Variants in KYNU observed in about 807,000 individuals in gnomAD.
The protein encoded by KYNU is kynureninase, also known as L-kynurenine hydrolase.
KYNU carries 54 observed loss-of-function variants against 59.2 expected under a neutral mutation model. The ratio of observed to expected loss-of-function variants is 0.91; its 90% CI spans 0.73 to 1.14. KYNU has a LOEUF of 1.14. Ranked by LOEUF, KYNU falls within the 50% of genes most tolerant of loss-of-function variation. The probability of loss-of-function intolerance (pLI) is 0.00; values close to 1 mark genes in which losing one functional copy is unlikely to be tolerated. For missense variants in KYNU, 567 were observed against 554.4 expected, an observed-to-expected ratio of 1.02 and a Z score of -0.23; for synonymous variants, 177 against 192.0, an observed-to-expected ratio of 0.92 and a Z score of 0.65.
chr2:142,913,890 T>C (rs144726662), intron 2 of KYNU, among the ~76,000 whole-genome samples: 2 of 152,368 alleles, frequency 1.3e-5, no homozygotes, highest in Non-Finnish European at 2.9e-5. Flanking sequence ...TTGCTATGTA[T>C]ATATTTAGGA....
intron 8 of KYNU, among the ~76,000 whole-genome samples, chr2:142,969,395 C>T (rs1684647370): frequency 1.3e-5 from 2 of 152,158 alleles, no homozygotes; most frequent in Non-Finnish European, 2.9e-5. Context: ...TTGGTCTTTA[C>T]TCTTCACTTT....
At chr2:142,884,114 T>A (rs965964384) in intron 1 of KYNU, among the ~76,000 whole-genome samples, 1 of 152,212 alleles carries the variant, frequency 6.6e-6, no homozygotes, top group African/African-American at 2.4e-5. Flanking sequence ...CATTTATCCT[T>A]TTCCAAAAAG....
At chr2:143,033,452 G>A (rs1686815665) in intron 12 of KYNU, 131 bp downstream of exon 12, 4 of 791,370 alleles carry the variant, frequency 5.1e-6, no homozygotes, top group South Asian at 1.4e-5. Flanking sequence ...AGGGACAGAA[G>A]GCAGCATTCC....
chr2:143,026,488 A>AGCTGGAATGAATGAGT (rs1295611383), intron 10 of KYNU, among the ~76,000 whole-genome samples: 2 of 152,130 alleles, frequency 1.3e-5, no homozygotes, highest in African/African-American at 2.4e-5. Context: ...CGAGTACGGG[A>AGCTGGAATGAATGAGT]GCTGGAATGA....
chr2:142,931,308 G>C (rs1683209778), intron 4 of KYNU, among the ~76,000 whole-genome samples: 1 of 152,154 alleles, frequency 6.6e-6, no homozygotes, highest in South Asian at 2.1e-4. Flanking sequence ...CTTCACGTGT[G>C]ATATAGGGGG....
At chr2:142,896,760 A>G (rs1015130695) in intron 2 of KYNU, among the ~76,000 whole-genome samples, 2 of 152,166 alleles carry the variant, frequency 1.3e-5, no homozygotes, top group African/African-American at 4.8e-5. Context: ...GTGCTAAGAT[A>G]ACAGGCGTGA....
At chr2:142,958,904 ATTGTT>A (rs1202834785) in intron 7 of KYNU, among the ~76,000 whole-genome samples, 1 of 152,138 alleles carries the variant, frequency 6.6e-6, no homozygotes, top group Non-Finnish European at 1.5e-5. Flanking sequence ...ACCTTATTAG[ATTGTT>A]TTAAGAATAA....
intron 8 of KYNU, among the ~76,000 whole-genome samples, chr2:142,969,360 T>G (rs924671376): frequency 3.3e-5 from 5 of 152,210 alleles, no homozygotes; most frequent in Admixed American, 2.0e-4. Flanking sequence ...GACATAAAGC[T>G]TAGATGCAAT....
intron 4 of KYNU, chr2:142,947,564 T>C (rs547861147): frequency 1.1e-4 from 20 of 177,808 alleles, no homozygotes; most frequent in South Asian, 1.1e-3. Flanking sequence ...ATTCATTCCA[T>C]TGACTTGGTT....
chr2:143,005,619 A>C (rs1685854943), intron 10 of KYNU, among the ~76,000 whole-genome samples: 1 of 152,190 alleles, frequency 6.6e-6, no homozygotes, highest in African/African-American at 2.4e-5. Flanking sequence ...ATAAAATAGT[A>C]TAAATATACA....
chr2:142,981,839 A>T (rs991994283), intron 8 of KYNU, among the ~76,000 whole-genome samples: 3 of 152,064 alleles, frequency 2.0e-5, no homozygotes, highest in African/African-American at 7.2e-5. Flanking sequence ...GGTAGAGGTA[A>T]GCACATCTTT....
intron 10 of KYNU, among the ~76,000 whole-genome samples, chr2:143,001,920 A>G (rs544214149): frequency 0.033 from 5,084 of 152,336 alleles, 121 homozygotes; most frequent in Non-Finnish European, 0.05. Flanking sequence ...AGATGTGCAG[A>G]AGCTTTGCTA....
chr2:143,028,216 T>C (rs1686632960), intron 10 of KYNU, among the ~76,000 whole-genome samples: 1 of 151,118 alleles, frequency 6.6e-6, no homozygotes. Context: ...ATATATTTTG[T>C]ATTTTATGTC....
At chr2:143,030,366 A>G (rs1686704970) in intron 11 of KYNU, among the ~76,000 whole-genome samples, 1 of 152,216 alleles carries the variant, frequency 6.6e-6, no homozygotes, top group South Asian at 2.1e-4. Context: ...TCTCAATCAC[A>G]TGGGATGCAG....
At chr2:142,913,991 C>T (rs955656099) in intron 2 of KYNU, among the ~76,000 whole-genome samples, 2 of 152,194 alleles carry the variant, frequency 1.3e-5, no homozygotes, top group African/African-American at 4.8e-5. Flanking sequence ...GGCAGTCTGG[C>T]CACTCCTTGG....
chr2:142,880,446 C>G (rs909122171), intron 1 of KYNU, among the ~76,000 whole-genome samples: 3 of 152,212 alleles, frequency 2.0e-5, no homozygotes, highest in Admixed American at 2.0e-4. Context: ...AACTAAGTGA[C>G]TCTTACTTGC....
chr2:142,919,753 G>A (rs899981890), intron 3 of KYNU, among the ~76,000 whole-genome samples: 1 of 152,078 alleles, frequency 6.6e-6, no homozygotes, highest in Non-Finnish European at 1.5e-5. Flanking sequence ...GGCCAACGTG[G>A]CGAAACCTCA....
intron 10 of KYNU, among the ~76,000 whole-genome samples, chr2:143,002,732 C>T (rs1433468827): frequency 6.6e-6 from 1 of 152,018 alleles, no homozygotes; most frequent in Non-Finnish European, 1.5e-5. Context: ...TTTTTCATTG[C>T]TCTGTCTCAC....
intron 10 of KYNU, among the ~76,000 whole-genome samples, chr2:143,017,266 G>A (rs352931): frequency 0.24 from 36,563 of 151,778 alleles, 4,686 homozygotes; most frequent in East Asian, 0.5. Flanking sequence ...TATGTACCCA[G>A]TAATGAGATT....
Sources: allele counts gnomAD v4.1 joint callset (sites outside exome capture counted in the v4.1 genomes callset), GRCh38; gene constraint gnomAD v4.1.1; transcripts MANE v1.5; gene names NCBI Gene and HGNC (gene_info 2026-07-23, HGNC 2026-07-21).